The following TASP1 variants were observed in gnomAD, a reference collection of about 807,000 sequenced individuals.
TASP1 encodes the protein threonine aspartase 1.
TASP1 carries 16 observed loss-of-function variants against 56.6 expected under a neutral mutation model. The ratio of observed to expected loss-of-function variants is 0.28; its 90% CI spans 0.19 to 0.43. The LOEUF (loss-of-function observed/expected upper bound fraction) is 0.43, where lower values mean the gene tolerates loss of function less well. Ranked by LOEUF, TASP1 falls within the 20% of genes least tolerant of loss-of-function variation. The probability of loss-of-function intolerance (pLI) is 1.00; values close to 1 mark genes in which losing one functional copy is unlikely to be tolerated. For synonymous variants in TASP1, 179 were observed against 184.2 expected (o/e 0.97, Z 0.23); for missense variants, 393 against 511.6 (o/e 0.77, Z 2.24).
At chr20:13,492,421 A>G (rs1207451035) in intron 10 of TASP1, among the ~76,000 whole-genome samples, 1 of 152,214 alleles carries the variant, frequency 6.6e-6, no homozygotes, top group East Asian at 1.9e-4. Context: ...TTTCCCTGTC[A>G]AAGGATTTAC....
chr20:13,136,644 T>A, the TASP1 span, among the ~76,000 whole-genome samples: 1 of 146,994 alleles, frequency 6.8e-6, no homozygotes, highest in Admixed American at 6.8e-5. Context: ...ATTATATACA[T>A]GTATATATAA....
chr20:13,621,907 A>C (rs1330013687), intron 4 of TASP1, among the ~76,000 whole-genome samples: 1 of 152,218 alleles, frequency 6.6e-6, no homozygotes, highest in Non-Finnish European at 1.5e-5. Flanking sequence ...AGTAATTTTC[A>C]ACTAACAATT....
the TASP1 span, among the ~76,000 whole-genome samples, chr20:13,107,826 G>A: frequency 1.4e-5 from 2 of 142,810 alleles, no homozygotes; most frequent in Non-Finnish European, 3.0e-5. Context: ...AGATATTATT[G>A]GTAGCATACA....
chr20:13,206,864 GAATGCA>G, the TASP1 span, among the ~76,000 whole-genome samples: 1 of 152,190 alleles, frequency 6.6e-6, no homozygotes, highest in African/African-American at 2.4e-5. Context: ...TGGGGTTGGT[GAATGCA>G]CACATAGAAT....
chr20:13,143,505 G>C, the TASP1 span, among the ~76,000 whole-genome samples: 1 of 152,278 alleles, frequency 6.6e-6, no homozygotes, highest in Non-Finnish European at 1.5e-5. Flanking sequence ...GAAAGAGGAA[G>C]TACCTTGCCC....
chr20:13,221,729 C>T, the TASP1 span: 1 of 1,342,302 alleles, frequency 7.4e-7, no homozygotes, highest in Non-Finnish European at 9.5e-7. Context: ...GTCACCGCCG[C>T]CGCCGCCGGC....
At chr20:13,574,119 T>TA (rs879792373) in intron 6 of TASP1, among the ~76,000 whole-genome samples, 78 of 141,872 alleles carry the variant, frequency 5.5e-4, no homozygotes, top group South Asian at 1.3e-3. Context: ...AATGAAAGTT[T>TA]AAAAAAAAAA....
chr20:13,434,550 C>T (rs1568795389), intron 12 of TASP1, among the ~76,000 whole-genome samples: 1 of 152,114 alleles, frequency 6.6e-6, no homozygotes, highest in East Asian at 1.9e-4. Context: ...GGCAGATGTC[C>T]TTGTTTTACA....
At chr20:13,608,018 G>A (rs531051617) in intron 4 of TASP1, among the ~76,000 whole-genome samples, 80 of 152,268 alleles carry the variant, frequency 5.3e-4, no homozygotes, top group African/African-American at 1.9e-3. Flanking sequence ...TCATTGATAA[G>A]CAGATACCTT....
chr20:13,148,725 G>A, the TASP1 span, among the ~76,000 whole-genome samples: 1 of 152,196 alleles, frequency 6.6e-6, no homozygotes, highest in African/African-American at 2.4e-5. Context: ...GCTGAACCTT[G>A]TTAAAACCAA....
chr20:13,414,736 C>T (rs1181103011), intron 13 of TASP1, among the ~76,000 whole-genome samples: 1 of 151,852 alleles, frequency 6.6e-6, no homozygotes, highest in Non-Finnish European at 1.5e-5. Flanking sequence ...CTAATTTTGG[C>T]TCCTTAAAAA....
At chr20:13,604,987 CATATATATATAT>C (rs3042652) in intron 4 of TASP1, among the ~76,000 whole-genome samples, 1 of 140,498 alleles carries the variant, frequency 7.1e-6, no homozygotes, top group African/African-American at 2.6e-5. Flanking sequence ...AGACATAATA[CATATATATATAT>C]ATATATATAT....
intron 10 of TASP1, among the ~76,000 whole-genome samples, chr20:13,487,181 A>G (rs1341246154): frequency 1.3e-5 from 2 of 152,174 alleles, no homozygotes; most frequent in African/African-American, 2.4e-5. Flanking sequence ...CCTGGTACTT[A>G]CCAGTCCTCA....
At chr20:13,526,162 G>C (rs1311655962) in intron 10 of TASP1, among the ~76,000 whole-genome samples, 1 of 152,054 alleles carries the variant, frequency 6.6e-6, no homozygotes, top group Non-Finnish European at 1.5e-5. Flanking sequence ...TAGGGGACTG[G>C]TGGACAATCT....
At chr20:13,536,345 T>TA (rs1019541446) in intron 8 of TASP1, among the ~76,000 whole-genome samples, 1 of 152,210 alleles carries the variant, frequency 6.6e-6, no homozygotes, top group Non-Finnish European at 1.5e-5. Flanking sequence ...AGGAGAAACT[T>TA]AAACTACCTA....
the TASP1 span, among the ~76,000 whole-genome samples, chr20:13,363,625 A>AATTT: frequency 8.5e-5 from 13 of 152,280 alleles, 1 homozygote; most frequent in East Asian, 2.5e-3. Context: ...CTGTATTTGC[A>AATTT]ATTTTCAGTT....
At chr20:13,635,435 TG>T (rs2049269601) in intron 1 of TASP1, among the ~76,000 whole-genome samples, 1 of 149,862 alleles carries the variant, frequency 6.7e-6, no homozygotes, top group Non-Finnish European at 1.5e-5. Context: ...TTGCCTAGGC[TG>T]GAGTGCAGTG....
the TASP1 span, among the ~76,000 whole-genome samples, chr20:13,231,801 C>G: frequency 6.6e-6 from 1 of 152,158 alleles, no homozygotes; most frequent in African/African-American, 2.4e-5. Flanking sequence ...AAGTTTGGGT[C>G]TCTGAGCTGC....
chr20:13,228,298 T>C, the TASP1 span, among the ~76,000 whole-genome samples: 1 of 152,144 alleles, frequency 6.6e-6, no homozygotes, highest in Non-Finnish European at 1.5e-5. Context: ...AATCTCATAC[T>C]TTCATCTTTT....
Sources: gnomAD v4.1 joint callset for allele counts (sites outside exome capture counted in the v4.1 genomes callset) on GRCh38, gnomAD v4.1.1 for gene constraint, MANE v1.5 for transcripts, NCBI Gene and HGNC (gene_info 2026-07-23, HGNC 2026-07-21) for gene names.